Variants in GRK4 observed in about 807,000 individuals in gnomAD.
GRK4 encodes the protein G protein-coupled receptor kinase 4, also known as G protein-coupled receptor kinase 2-like.
In GRK4, 73 loss-of-function variants were observed where a neutral mutation model predicts 77.9. The observed-to-expected ratio is 0.94, with a 90% CI of 0.78 to 1.14. The LOEUF (loss-of-function observed/expected upper bound fraction) is 1.14. GRK4 is among the 50% of genes most tolerant of loss of function. The pLI is 0.00. For synonymous variants in GRK4, 257 were observed against 254.4 expected (o/e 1.01, Z -0.10); for missense variants, 729 against 700.2 (o/e 1.04, Z -0.46).
intron 5 of GRK4, among the ~76,000 whole-genome samples, chr4:3,006,285 C>T (rs766149776): frequency 2.0e-5 from 3 of 149,880 alleles, no homozygotes; most frequent in South Asian, 2.1e-4. Flanking sequence ...AAGGCTGAGG[C>T]GGGAGAATCG....
At chr4:2,966,168 C>T (rs1444753824) in intron 1 of GRK4, 1 of 152,464 alleles carries the variant, frequency 6.6e-6, no homozygotes, top group Non-Finnish European at 1.5e-5. Flanking sequence ...AATCCCAGCA[C>T]TTTTGGAGGC....
intron 13 of GRK4, among the ~76,000 whole-genome samples, chr4:3,037,137 C>G (rs1427610074): frequency 1.3e-5 from 2 of 150,454 alleles, no homozygotes; most frequent in Admixed American, 6.6e-5. Flanking sequence ...ATGCAAGGGA[C>G]CTGGCACAGA....
intron 1 of GRK4, among the ~76,000 whole-genome samples, chr4:2,984,067 A>G (rs967183387): frequency 6.6e-6 from 1 of 152,130 alleles, no homozygotes; most frequent in Non-Finnish European, 1.5e-5. Context: ...ATAATTTGAG[A>G]TGAGATTTGG....
rs767871608 is a variant in GRK4 at position 2,990,956 on chromosome 4, GT to G, written c.262-1258del. ...TGTGAGCTTCTCAAGTGAAGGGACT[GT>G]GTCTTATTCATTTCCCCCTCATGGC... On this transcript the variant is annotated intron_variant, in intron 3 of 15. Coordinates refer to ENST00000398052, the MANE Select transcript of GRK4 (RefSeq NM_182982.3). 6.6e-5 allele frequency among the ~76,000 whole-genome samples: 10 copies of G among 152,312 alleles called. No individual in the cohort carries two copies. The East Asian group carries it at 1.3e-3, about 21-fold the overall frequency.
intron 3 of GRK4, among the ~76,000 whole-genome samples, chr4:2,991,307 A>G (rs1252940665): frequency 6.6e-6 from 1 of 152,106 alleles, no homozygotes; most frequent in African/African-American, 2.4e-5. Context: ...ATCTAGCATA[A>G]TCTCCTTCAC....
Position 2,963,870 on chromosome 4 carries a change from G to A in GRK4, c.-201G>A, listed in dbSNP as rs761757762. ...CCCTCGCCCCGACCGCTCCCCTGCT[G>A]GTGAGGGCCTGCGGAGGCGGCGGCG... On this transcript the variant is annotated 5_prime_UTR_variant, in exon 1 of 16. Transcript: ENST00000398052. 3 of 629,242 alleles carry A rather than the reference G, an allele frequency of 4.8e-6. No homozygotes were observed. The highest frequency in any genetic ancestry group is 8.4e-6 in the Non-Finnish European group (3 of 355,786). 39.0% of individuals were successfully genotyped at this position (629,242 alleles called of 1,614,324 possible). A position where few individuals can be genotyped will look rare whatever the true frequency, so the allele number is the denominator to read the frequency against.
chr4:3,018,542 C>T (rs1364211406), intron 8 of GRK4, among the ~76,000 whole-genome samples: 1 of 151,916 alleles, frequency 6.6e-6, no homozygotes, highest in Admixed American at 6.6e-5. Context: ...CAAAAATGTG[C>T]AAGACTTCTA....
At chr4:2,991,077 G>T (rs1305305864) in intron 3 of GRK4, among the ~76,000 whole-genome samples, 2 of 152,198 alleles carry the variant, frequency 1.3e-5, no homozygotes, top group Non-Finnish European at 1.5e-5. Context: ...GAACCCATAG[G>T]AGGAGATATT....
intron 13 of GRK4, among the ~76,000 whole-genome samples, chr4:3,037,105 GAA>G (rs1740949826): frequency 2.0e-5 from 3 of 150,560 alleles, no homozygotes; most frequent in African/African-American, 7.4e-5. Flanking sequence ...GTGTGTGTGA[GAA>G]AGAGGGAGAG....
chr4:3,000,834 C>T (rs1729333996), intron 4 of GRK4, among the ~76,000 whole-genome samples: 1 of 152,048 alleles, frequency 6.6e-6, no homozygotes, highest in South Asian at 2.1e-4. Flanking sequence ...TCCCAAAGTG[C>T]TGGGATTACA....
At chr4:2,977,446 G>A (rs1721555608) in intron 1 of GRK4, among the ~76,000 whole-genome samples, 1 of 152,134 alleles carries the variant, frequency 6.6e-6, no homozygotes, top group Non-Finnish European at 1.5e-5. Context: ...TTTTTTATTA[G>A]GTTAATATTT....
chr4:2,970,666 A>G (rs983729876), intron 1 of GRK4, among the ~76,000 whole-genome samples: 12 of 151,782 alleles, frequency 7.9e-5, no homozygotes, highest in Admixed American at 7.2e-4. Flanking sequence ...CAAAAAAAAA[A>G]AAAAATGTTC....
chr4:3,026,440 C>T (rs527370663), intron 10 of GRK4, among the ~76,000 whole-genome samples: 4 of 152,242 alleles, frequency 2.6e-5, no homozygotes, highest in Admixed American at 6.5e-5. Context: ...GAAAAATACA[C>T]GAAAGCTGGC....
intron 4 of GRK4, among the ~76,000 whole-genome samples, chr4:2,995,733 C>T (rs1190958037): frequency 6.6e-6 from 1 of 151,918 alleles, no homozygotes; most frequent in African/African-American, 2.4e-5. Context: ...GGACACACTT[C>T]CAAGTTGCCT....
intron 1 of GRK4, chr4:2,965,844 G>C (rs1016362590): frequency 1.3e-5 from 3 of 236,252 alleles, no homozygotes; most frequent in Admixed American, 1.0e-4. Flanking sequence ...ATTTTCAGTG[G>C]AGCATTTGAC....
intron 5 of GRK4, among the ~76,000 whole-genome samples, chr4:3,006,351 G>T (rs1731323497): frequency 1.3e-5 from 2 of 149,300 alleles, no homozygotes; most frequent in Non-Finnish European, 2.9e-5. Flanking sequence ...TTGCACTCCA[G>T]CCTGGTCAAC....
Position 3,009,708 on chromosome 4 carries a change from A to C in GRK4, c.597A>C (p.Gly199=). ...GAGTTCTAGGAAAAGGCGGATTTGG[A>C]GAGGTGAGTAACGGGAGCCAGTTCA... The part of the protein sequence containing the change: ...HYRVLGKGGF[G]EVCACQVRAT... The change falls in exon 7 of 16, where the codon GGA becomes GGC. Residue 199 remains glycine, a synonymous_variant. Coordinates refer to ENST00000398052, the MANE Select transcript of GRK4 (RefSeq NM_182982.3). The C allele has an allele frequency of 1.2e-6, 2 of 1,613,234 alleles. No individual in the cohort carries two copies. The highest frequency in any genetic ancestry group is 1.7e-6 in the Non-Finnish European group (2 of 1,179,224).
At chr4:2,971,721 G>A (rs978430326) in intron 1 of GRK4, among the ~76,000 whole-genome samples, 9 of 152,220 alleles carry the variant, frequency 5.9e-5, no homozygotes, top group African/African-American at 2.2e-4. Context: ...CAAGTTGTGA[G>A]TGGAGCTGGT....
chr4:3,031,702 C>G (rs1299727684), intron 12 of GRK4, among the ~76,000 whole-genome samples: 1 of 152,148 alleles, frequency 6.6e-6, no homozygotes, highest in African/African-American at 2.4e-5. Context: ...GAGGGACGCT[C>G]AGAGAGGAAG....
Sources: gnomAD v4.1 joint callset for allele counts (sites outside exome capture counted in the v4.1 genomes callset) on GRCh38, gnomAD v4.1.1 for gene constraint, MANE v1.5 for transcripts, NCBI Gene and HGNC (gene_info 2026-07-23, HGNC 2026-07-21) for gene names.